SCGB2B2: variants seen among roughly 807,000 people sequenced by gnomAD.
SCGB2B2 encodes the protein secretoglobin-like protein.
In SCGB2B2, 11 loss-of-function variants were observed where a neutral mutation model predicts 7.6. The ratio of observed to expected loss-of-function variants is 1.45; its 90% CI spans 0.91 to 2.40. SCGB2B2 has a LOEUF of 2.40. Ranked by LOEUF, SCGB2B2 falls within the 30% of genes most tolerant of loss-of-function variation. The pLI, the probability that SCGB2B2 is intolerant of heterozygous loss-of-function variation, is 0.00. For missense variants in SCGB2B2, 104 were observed against 115.4 expected, an observed-to-expected ratio of 0.90 and a Z score of 0.45; for synonymous variants, 50 against 48.6, an observed-to-expected ratio of 1.03 and a Z score of -0.12.
intron 1 of SCGB2B2, among the ~76,000 whole-genome samples, chr19:34,641,066 A>AGTAT (rs1237956406): frequency 6.8e-5 from 9 of 132,422 alleles, no homozygotes; most frequent in African/African-American, 2.7e-4. Flanking sequence ...TGAATACTTA[A>AGTAT]TCACCATCAC....
At position 34,676,208 on chromosome 19, in the gene SCGB2B2, A is replaced by G. The variant is rs1451153901; in HGVS notation, c.-2610T>C. The stretch of plus-strand genomic sequence containing the variant: ...ACAAACCTTTAGCTAGACACAGAGC[A>G]CTGATTGGTGTATTTACAATCCTTC... On this transcript the variant is annotated 5_prime_UTR_variant, in exon 1 of 4. Coordinates refer to ENST00000601241, the MANE Select transcript of SCGB2B2 (RefSeq NM_001025591.4). The G allele has an allele frequency of 6.6e-6, 1 of 152,216 alleles. No individual in the cohort carries two copies. Among genetic ancestry groups the G allele is most frequent in the African/African-American group, 2.4e-5 (1 of 41,450 alleles). The allele number at this position is 152,216 out of a possible 1,614,324, so 9.4% of individuals were successfully genotyped here. A position where few individuals can be genotyped will look rare whatever the true frequency, so the allele number is the denominator to read the frequency against.
chr19:34,640,700 C>T (rs991739907), intron 1 of SCGB2B2: 3 of 152,212 alleles, frequency 2.0e-5, no homozygotes, highest in African/African-American at 7.2e-5. Context: ...ACCATCACCA[C>T]TATCGATGTC....
At chr19:34,660,350 C>A (rs1377100945) in intron 1 of SCGB2B2, among the ~76,000 whole-genome samples, 3 of 152,174 alleles carry the variant, frequency 2.0e-5, no homozygotes, top group African/African-American at 7.2e-5. Flanking sequence ...AACAAGCAAC[C>A]TACAGAATTG....
intron 1 of SCGB2B2, among the ~76,000 whole-genome samples, chr19:34,659,187 T>G (rs1028639024): frequency 6.6e-6 from 1 of 152,192 alleles, no homozygotes; most frequent in Non-Finnish European, 1.5e-5. Flanking sequence ...AGTATCATAC[T>G]GAATGGGCAA....
chr19:34,655,474 C>A (rs193204725), intron 1 of SCGB2B2, among the ~76,000 whole-genome samples: 1 of 151,014 alleles, frequency 6.6e-6, no homozygotes, highest in Admixed American at 6.6e-5. Context: ...GACCTGGATG[C>A]CCCCCCAACC....
At chr19:34,617,375 T>C (rs975489721) in intron 1 of SCGB2B2, among the ~76,000 whole-genome samples, 1 of 151,692 alleles carries the variant, frequency 6.6e-6, no homozygotes. Context: ...CAGTGGTTTG[T>C]AGTTCTCCTT....
At position 34,657,203 on chromosome 19, in the gene SCGB2B2, T is replaced by C. The variant is rs887370896; in HGVS notation, c.-2032+18427A>G. 3.3e-5 allele frequency among the ~76,000 whole-genome samples: 5 copies of C among 151,214 alleles called. 1 individual carries two copies. The highest frequency in any genetic ancestry group is 1.2e-4 in the African/African-American group (5 of 40,544). The stretch of plus-strand genomic sequence containing the variant: ...AAAAGAACAGATACCTTGGAATAAA[T>C]CAATTAATACATGTATAAGAGCACC... On this transcript the variant is annotated intron_variant, in intron 1 of 3. Transcript: ENST00000601241.
At chr19:34,641,618 C>G (rs113557770) in intron 1 of SCGB2B2, among the ~76,000 whole-genome samples, 37 of 149,286 alleles carry the variant, frequency 2.5e-4, no homozygotes, top group Middle Eastern at 3.4e-3. Context: ...TCTTTATGCT[C>G]AAAGATCTTG....
intron 1 of SCGB2B2, among the ~76,000 whole-genome samples, chr19:34,655,525 T>G (rs1568441469): frequency 6.6e-6 from 1 of 151,132 alleles, no homozygotes; most frequent in Non-Finnish European, 1.5e-5. Flanking sequence ...ATGGAACCAA[T>G]GTAAATCTTA....
chr19:34,652,607 G>A (rs950203144), intron 1 of SCGB2B2, among the ~76,000 whole-genome samples: 12 of 151,190 alleles, frequency 7.9e-5, no homozygotes, highest in Non-Finnish European at 1.8e-4. Flanking sequence ...TTTTTAAAAT[G>A]CTCAACATCA....
chr19:34,593,604 T>A lies in SCGB2B2; in HGVS notation c.247-5A>T. The A allele has an allele frequency of 1.3e-6, 2 of 1,551,904 alleles. No individual in the cohort carries two copies. The highest frequency in any genetic ancestry group is 1.7e-6 in the Non-Finnish European group (2 of 1,147,182). ...GTTGCTCTGAAGGATCTTCTTCTGTTGGAAAAAGAAGAAAGAGAGGAGCCG... is the reference window on the plus strand; with the variant it reads ...GTTGCTCTGAAGGATCTTCTTCTGTAGGAAAAAGAAGAAAGAGAGGAGCCG... On this transcript the variant is annotated splice_region_variant and splice_polypyrimidine_tract_variant and intron_variant, in intron 3 of 3. Transcript: ENST00000601241.
intron 1 of SCGB2B2, among the ~76,000 whole-genome samples, chr19:34,669,053 C>T (rs988274074): frequency 2.6e-5 from 4 of 152,260 alleles, no homozygotes; most frequent in African/African-American, 9.6e-5. Context: ...CCTTTATGAG[C>T]TGTAACACTC....
chr19:34,606,356 G>T (rs1021007285), intron 1 of SCGB2B2, among the ~76,000 whole-genome samples: 3 of 152,036 alleles, frequency 2.0e-5, no homozygotes, highest in African/African-American at 7.2e-5. Flanking sequence ...GCTACATCTT[G>T]CATGATTTCA....
At chr19:34,610,901 G>A (rs1200681257) in intron 1 of SCGB2B2, among the ~76,000 whole-genome samples, 3 of 151,840 alleles carry the variant, frequency 2.0e-5, no homozygotes, top group Non-Finnish European at 4.4e-5. Context: ...ACTGGTATCA[G>A]TTCTACTTAA....
intron 1 of SCGB2B2, among the ~76,000 whole-genome samples, chr19:34,653,933 T>G (rs1387628273): frequency 6.7e-6 from 1 of 150,342 alleles, no homozygotes; most frequent in Non-Finnish European, 1.5e-5. Flanking sequence ...CTCGTACCAC[T>G]CGTATTTAAC....
chr19:34,628,817 A>AAAAAAG lies in SCGB2B2; in HGVS notation c.-2031-32229_-2031-32224dup, dbSNP rs1233527306. Among the ~76,000 whole-genome samples the AAAAAAG allele has an allele frequency of 1.7e-3, 255 of 152,078 alleles. 2 individuals are homozygous for AAAAAAG. The highest frequency in any genetic ancestry group is 5.7e-3 in the African/African-American group (235 of 41,542). ...AAGGCTGGCAGAGACACAACAACAA[A>AAAAAAG]AAAAAGAATTTTAGACCAATATCGT... On this transcript the variant is annotated intron_variant, in intron 1 of 3. Transcript: ENST00000601241.
At chr19:34,649,249 G>A (rs1047187321) in intron 1 of SCGB2B2, among the ~76,000 whole-genome samples, 2 of 152,056 alleles carry the variant, frequency 1.3e-5, no homozygotes, top group Non-Finnish European at 2.9e-5. Context: ...TAAAAGTTCC[G>A]GAACAGTACA....
At chr19:34,663,340 T>G (rs2067516211) in intron 1 of SCGB2B2, among the ~76,000 whole-genome samples, 1 of 152,248 alleles carries the variant, frequency 6.6e-6, no homozygotes, top group Non-Finnish European at 1.5e-5. Flanking sequence ...CTCCCTATAG[T>G]GTTGTTCATG....
intron 1 of SCGB2B2, among the ~76,000 whole-genome samples, chr19:34,628,036 A>G (rs1337688633): frequency 2.0e-5 from 3 of 152,250 alleles, no homozygotes; most frequent in Admixed American, 6.5e-5. Flanking sequence ...GTACATAACA[A>G]AATGAAGGCA....
Sources: allele counts gnomAD v4.1 joint callset (sites outside exome capture counted in the v4.1 genomes callset), GRCh38; gene constraint gnomAD v4.1.1; transcripts MANE v1.5; gene names NCBI Gene and HGNC (gene_info 2026-07-23, HGNC 2026-07-21).